Variants in HSD17B12 observed in about 807,000 individuals in gnomAD.
The protein encoded by HSD17B12 is hydroxysteroid 17-beta dehydrogenase 12, also known as very-long-chain 3-oxoacyl-CoA reductase.
In HSD17B12, 32 loss-of-function variants were observed where a neutral mutation model predicts 39.3. The ratio of observed to expected loss-of-function variants is 0.81; its 90% CI spans 0.61 to 1.09. The LOEUF (loss-of-function observed/expected upper bound fraction) is 1.09, where lower values mean the gene tolerates loss of function less well. Among genes scored for constraint, HSD17B12 ranks in the 50% least tolerant of loss-of-function variants. HSD17B12 has a pLI of 0.00. For synonymous variants in HSD17B12, 150 were observed against 146.7 expected, an observed-to-expected ratio of 1.02 and a Z score of -0.16; for missense variants, 342 against 382.9, an observed-to-expected ratio of 0.89 and a Z score of 0.89.
intron 4 of HSD17B12, among the ~76,000 whole-genome samples, chr11:43,804,406 A>G (rs1368597992): frequency 6.6e-6 from 1 of 152,200 alleles, no homozygotes; most frequent in East Asian, 1.9e-4. Flanking sequence ...CGCATTGCTA[A>G]TAATTTTAAG....
rs1302845858 is a variant in HSD17B12 at position 43,742,413 on chromosome 11, A to G, written c.161-8498A>G. ...CACCTCAGCCTCCCAAAGTATTGGG[A>G]TGAGCCACTGTGCCCCATGAAAATA... On this transcript the variant is annotated intron_variant, in intron 1 of 10. Transcript: ENST00000278353. Among the ~76,000 whole-genome samples, 8 of 151,936 alleles carry G rather than the reference A, an allele frequency of 5.3e-5. No individual in the cohort carries two copies. In the South Asian group the frequency reaches 6.2e-4, roughly 12 times the overall value.
chr11:43,560,055 T>C, the HSD17B12 span, among the ~76,000 whole-genome samples: 2 of 152,210 alleles, frequency 1.3e-5, no homozygotes, highest in Non-Finnish European at 2.9e-5. Context: ...CATGTGGTGC[T>C]AAATAAAAAT....
chr11:43,611,797 T>C, the HSD17B12 span, among the ~76,000 whole-genome samples: 1 of 152,178 alleles, frequency 6.6e-6, no homozygotes, highest in South Asian at 2.1e-4. Flanking sequence ...TCATACATTA[T>C]CTCAGATTCT....
chr11:43,680,929 C>G lies in HSD17B12; in HGVS notation c.102C>G (p.Leu34=). 2.5e-6 allele frequency: 4 copies of G among 1,613,460 alleles called. No individual in the cohort carries two copies. Among genetic ancestry groups the G allele is most frequent in the Non-Finnish European group, 3.4e-6 (4 of 1,179,634 alleles). The part of the protein sequence containing the change: ...LRISYSLFTA[L]RVWGVGNEAG... ...TTTCGTACTCGCTCTTCACGGCCCT[C>G]CGGGTCTGGGGAGTGGGGAATGAGG... The change falls in exon 1 of 11, where the codon CTC becomes CTG. Residue 34 remains leucine (L), a synonymous_variant. Transcript: ENST00000278353.
chr11:43,720,071 G>A (rs1763387740), intron 1 of HSD17B12, among the ~76,000 whole-genome samples: 1 of 152,184 alleles, frequency 6.6e-6, no homozygotes, highest in Admixed American at 6.6e-5. Flanking sequence ...TTGTATAGAT[G>A]AGAAGGGTCT....
chr11:43,825,032 G>A (rs1404133201), intron 6 of HSD17B12, among the ~76,000 whole-genome samples: 2 of 152,068 alleles, frequency 1.3e-5, no homozygotes, highest in Admixed American at 6.5e-5. Context: ...TCAGGAGGCT[G>A]AGGCAGGAGG....
intron 1 of HSD17B12, among the ~76,000 whole-genome samples, chr11:43,732,210 G>C (rs1327306619): frequency 6.6e-6 from 1 of 152,172 alleles, no homozygotes; most frequent in African/African-American, 2.4e-5. Flanking sequence ...ATGTGAAGAA[G>C]GATGTGTTTG....
chr11:43,605,635 C>G, the HSD17B12 span, among the ~76,000 whole-genome samples: 1 of 151,310 alleles, frequency 6.6e-6, no homozygotes, highest in Non-Finnish European at 1.5e-5. Flanking sequence ...TCTCAGGCAA[C>G]TTGCTCAACC....
intron 7 of HSD17B12, among the ~76,000 whole-genome samples, chr11:43,836,606 TCACCA>T (rs1285322519): frequency 6.6e-6 from 1 of 152,112 alleles, no homozygotes; most frequent in Non-Finnish European, 1.5e-5. Context: ...TGTGCAACTA[TCACCA>T]CAGTCTAATT....
intron 1 of HSD17B12, among the ~76,000 whole-genome samples, chr11:43,699,249 A>G (rs1033911918): frequency 5.9e-5 from 9 of 152,094 alleles, no homozygotes; most frequent in Non-Finnish European, 1.3e-4. Context: ...TTCTCACTCA[A>G]TACCCCACTG....
chr11:43,613,450 A>C, the HSD17B12 span, among the ~76,000 whole-genome samples: 1 of 151,920 alleles, frequency 6.6e-6, no homozygotes, highest in Non-Finnish European at 1.5e-5. Flanking sequence ...ACAACAACAA[A>C]AAAACCATGA....
At chr11:43,756,288 A>G (rs1409907421) in intron 3 of HSD17B12, among the ~76,000 whole-genome samples, 2 of 152,032 alleles carry the variant, frequency 1.3e-5, no homozygotes, top group Admixed American at 1.3e-4. Flanking sequence ...TGTGGTATAT[A>G]GATATACAAT....
the HSD17B12 span, chr11:43,581,492 G>C: frequency 4.0e-6 from 2 of 497,346 alleles, no homozygotes; most frequent in African/African-American, 3.9e-5. This position sits in a 1 kb window ranked among gnomAD's most constrained non-coding sequence, Gnocchi z 4.9. Context: ...CGCACTCGTC[G>C]AGAAGACGGC....
chr11:43,719,192 C>T, intron 1 of HSD17B12: 1 of 707,848 alleles, frequency 1.4e-6, no homozygotes, highest in Admixed American at 1.8e-5. Flanking sequence ...ATCTTTTCAC[C>T]ATATACATGC....
chr11:43,662,057 C>T, the HSD17B12 span, among the ~76,000 whole-genome samples: 31,125 of 152,012 alleles, frequency 0.2, 4,085 homozygotes, highest in Admixed American at 0.36. Flanking sequence ...ATTTTAGGCT[C>T]GGCATGGTGG....
chr11:43,791,036 G>A (rs1325201434), intron 3 of HSD17B12, among the ~76,000 whole-genome samples: 1 of 151,968 alleles, frequency 6.6e-6, no homozygotes, highest in Non-Finnish European at 1.5e-5. Flanking sequence ...GTGTAGGGTG[G>A]GTATTATTTT....
the HSD17B12 span, among the ~76,000 whole-genome samples, chr11:43,612,483 G>A: frequency 6.6e-6 from 1 of 152,212 alleles, no homozygotes; most frequent in East Asian, 1.9e-4. Context: ...TAGTCTGTCA[G>A]AGTGGGGCTC....
At chr11:43,629,662 A>AT in the HSD17B12 span, among the ~76,000 whole-genome samples, 1 of 152,156 alleles carries the variant, frequency 6.6e-6, no homozygotes. Flanking sequence ...TTTAGCATTC[A>AT]TTTTGTTTGG....
At chr11:43,585,108 C>G in the HSD17B12 span, among the ~76,000 whole-genome samples, 1 of 152,224 alleles carries the variant, frequency 6.6e-6, no homozygotes, top group Non-Finnish European at 1.5e-5. Flanking sequence ...TCTGAGGACA[C>G]CAAACGTTGT....
Sources: gnomAD v4.1 joint callset for allele counts (sites outside exome capture counted in the v4.1 genomes callset) on GRCh38, gnomAD v4.1.1 for gene constraint, Gnocchi (gnomAD v3.1) non-coding constraint, MANE v1.5 for transcripts, NCBI Gene and HGNC (gene_info 2026-07-23, HGNC 2026-07-21) for gene names.